Variants in ROBO2 observed in about 807,000 individuals in gnomAD.
ROBO2 encodes roundabout guidance receptor 2.
A neutral mutation model predicts 160.8 loss-of-function variants in ROBO2; 53 were observed. The ratio of observed to expected loss-of-function variants is 0.33; its 90% CI spans 0.26 to 0.41. ROBO2 has a LOEUF of 0.41. Ranked by LOEUF, ROBO2 falls within the 10% of genes least tolerant of loss-of-function variation. ROBO2 has a pLI of 1.00. For missense variants in ROBO2, 1,577 were observed against 1,722.4 expected, an observed-to-expected ratio of 0.92 and a Z score of 1.49; for synonymous variants, 664 against 611.7, an observed-to-expected ratio of 1.09 and a Z score of -1.26.
intron 2 of ROBO2, among the ~76,000 whole-genome samples, chr3:75,938,780 G>A (rs915837481): frequency 6.6e-6 from 1 of 152,076 alleles, no homozygotes; most frequent in Non-Finnish European, 1.5e-5. Context: ...ATGAATAGTT[G>A]TATATACATG....
At chr3:75,923,124 A>G (rs952918343) in intron 1 of ROBO2, among the ~76,000 whole-genome samples, 5 of 152,184 alleles carry the variant, frequency 3.3e-5, no homozygotes, top group South Asian at 2.1e-4. Context: ...CTATGGCCTT[A>G]TCTTATAGAG....
intron 2 of ROBO2, among the ~76,000 whole-genome samples, chr3:76,329,536 A>G (rs937580122): frequency 6.6e-6 from 1 of 152,150 alleles, no homozygotes; most frequent in Admixed American, 6.5e-5. Context: ...TTGTACAGCA[A>G]ACGGGATACT....
intron 2 of ROBO2, among the ~76,000 whole-genome samples, chr3:77,224,600 G>A (rs2086246428): frequency 1.3e-5 from 2 of 151,752 alleles, no homozygotes; most frequent in South Asian, 4.1e-4. Context: ...ATTAATCCTA[G>A]GGTTTATCTT....
intron 2 of ROBO2, among the ~76,000 whole-genome samples, chr3:76,291,878 G>A (rs1159865650): frequency 6.6e-6 from 1 of 151,882 alleles, no homozygotes; most frequent in Non-Finnish European, 1.5e-5. Context: ...TTGTCCAAGG[G>A]TGTAGTTGAT....
intron 2 of ROBO2, among the ~76,000 whole-genome samples, chr3:77,134,844 C>A (rs992447670): frequency 6.6e-6 from 1 of 152,198 alleles, no homozygotes; most frequent in Admixed American, 6.5e-5. Context: ...ACTCATAACC[C>A]TTAATAAGTC....
intron 2 of ROBO2, among the ~76,000 whole-genome samples, chr3:76,904,436 T>C (rs2075450257): frequency 6.6e-6 from 1 of 152,176 alleles, no homozygotes; most frequent in Non-Finnish European, 1.5e-5. Context: ...GAACCAAATA[T>C]AATTGAAGTA....
chr3:76,628,212 A>G (rs944159105), intron 2 of ROBO2, among the ~76,000 whole-genome samples: 2 of 152,008 alleles, frequency 1.3e-5, no homozygotes, highest in African/African-American at 4.8e-5. Context: ...CCCACTTAAT[A>G]CTTGTCGACT....
At chr3:75,999,397 A>G (rs1392377871) in intron 2 of ROBO2, among the ~76,000 whole-genome samples, 1 of 152,208 alleles carries the variant, frequency 6.6e-6, no homozygotes, top group Non-Finnish European at 1.5e-5. Flanking sequence ...TAATTTTAAA[A>G]CAGTTTTAGG....
intron 5 of ROBO2, among the ~76,000 whole-genome samples, chr3:77,497,527 G>A (rs1002803238): frequency 1.3e-5 from 2 of 151,998 alleles, no homozygotes; most frequent in Admixed American, 6.6e-5. Context: ...TTTAGTTTTT[G>A]TTTTATATTA....
intron 2 of ROBO2, among the ~76,000 whole-genome samples, chr3:76,202,859 A>G (rs1406958133): frequency 1.3e-5 from 2 of 152,138 alleles, no homozygotes; most frequent in African/African-American, 4.8e-5. Flanking sequence ...CCAAAAGTCT[A>G]CCAGTTGACT....
At chr3:77,241,003 T>C (rs997630232) in intron 2 of ROBO2, among the ~76,000 whole-genome samples, 1 of 152,220 alleles carries the variant, frequency 6.6e-6, no homozygotes, top group African/African-American at 2.4e-5. Flanking sequence ...TAGCCAAAGG[T>C]CAGGGATGAT....
At chr3:76,450,718 G>C (rs1041903749) in intron 2 of ROBO2, among the ~76,000 whole-genome samples, 3 of 152,014 alleles carry the variant, frequency 2.0e-5, no homozygotes, top group Admixed American at 6.6e-5. Flanking sequence ...GAGTTATTCT[G>C]TTAATGAAGA....
chr3:75,957,657 T>C (rs894975979), intron 2 of ROBO2, among the ~76,000 whole-genome samples: 2 of 151,518 alleles, frequency 1.3e-5, no homozygotes, highest in Non-Finnish European at 3.0e-5. Flanking sequence ...TACATGTTAT[T>C]GATGCGTTCT....
chr3:77,348,200 A>G (rs2067888179), intron 2 of ROBO2, among the ~76,000 whole-genome samples: 1 of 152,150 alleles, frequency 6.6e-6, no homozygotes, highest in Non-Finnish European at 1.5e-5. Context: ...TTAAGAAAGT[A>G]AAGGCTTTTA....
chr3:76,217,799 C>G (rs1703661718), intron 2 of ROBO2, among the ~76,000 whole-genome samples: 1 of 152,198 alleles, frequency 6.6e-6, no homozygotes, highest in African/African-American at 2.4e-5. Context: ...GGAATCCTCC[C>G]TACCTCATTT....
chr3:77,174,622 C>CTTCATTT (rs2079956201), intron 2 of ROBO2, among the ~76,000 whole-genome samples: 1 of 152,020 alleles, frequency 6.6e-6, no homozygotes, highest in African/African-American at 2.4e-5. Context: ...TTCTCCAAAT[C>CTTCATTT]TTCATTTATC....
At chr3:76,160,770 A>T (rs774932328) in intron 2 of ROBO2, among the ~76,000 whole-genome samples, 8 of 152,148 alleles carry the variant, frequency 5.3e-5, no homozygotes, top group Non-Finnish European at 8.8e-5. Context: ...CTCAAGCTAC[A>T]TCTGTTCAGA....
chr3:76,360,453 G>C (rs1009335585), intron 2 of ROBO2, among the ~76,000 whole-genome samples: 1 of 151,990 alleles, frequency 6.6e-6, no homozygotes, highest in Non-Finnish European at 1.5e-5. Flanking sequence ...ATACAAAAAA[G>C]AAAGGCTTAC....
chr3:76,150,549 A>G (rs1345557498), intron 2 of ROBO2, among the ~76,000 whole-genome samples: 2 of 152,148 alleles, frequency 1.3e-5, no homozygotes, highest in Middle Eastern at 3.2e-3. Context: ...GATCTTGAAC[A>G]CGTTTAGCCC....
Sources: allele counts gnomAD v4.1 joint callset (sites outside exome capture counted in the v4.1 genomes callset), GRCh38; gene constraint gnomAD v4.1.1; transcripts MANE v1.5; gene names NCBI Gene and HGNC (gene_info 2026-07-23, HGNC 2026-07-21).